The following EIF2A variants were observed in gnomAD, a reference collection of about 807,000 sequenced individuals.
EIF2A encodes 65 kDa eukaryotic translation initiation factor 2A.
A neutral mutation model predicts 75.2 loss-of-function variants in EIF2A; 62 were observed. That is an observed-to-expected ratio of 0.82 (90% CI 0.67 to 1.02). The LOEUF (loss-of-function observed/expected upper bound fraction) is 1.02, where lower values mean the gene tolerates loss of function less well. EIF2A is among the 50% of genes least tolerant of loss of function. EIF2A has a pLI of 0.00. For missense variants in EIF2A, 611 were observed against 677.7 expected (o/e 0.90, Z 1.09); for synonymous variants, 207 against 239.0 (o/e 0.87, Z 1.23).
rs578158428 is a variant in EIF2A at position 150,554,559 on chromosome 3, T to TCATTAGATCAGCGGTAGGGCC, written c.98+2137_98+2157dup. 9.1e-4 allele frequency among the ~76,000 whole-genome samples: 139 copies of TCATTAGATCAGCGGTAGGGCC among 152,334 alleles called. 1 individual carries two copies. The South Asian group carries it at 0.028, about 31-fold the overall frequency. ...CAGCTCTCTTTCCAAATGTTCGGAT[T>TCATTAGATCAGCGGTAGGGCC]CATTAGATCAGCGGTAGGGCCCAAT... On this transcript the variant is annotated intron_variant, in intron 2 of 13. Transcript: ENST00000460851.
intron 6 of EIF2A, chr3:150,566,376 C>T (rs1172887862): frequency 6.6e-6 from 1 of 151,964 alleles, no homozygotes; most frequent in Non-Finnish European, 1.5e-5. Flanking sequence ...AAAGTATTAG[C>T]TCTTGATCTC....
intron 1 of EIF2A, among the ~76,000 whole-genome samples, chr3:150,550,077 A>T (rs1723241223): frequency 6.6e-6 from 1 of 152,174 alleles, no homozygotes; most frequent in Admixed American, 6.5e-5. Context: ...CTTGGAAAAG[A>T]TTATGTAGAT....
At chr3:150,571,804 CT>C (rs1455042429) in intron 9 of EIF2A, among the ~76,000 whole-genome samples, 153 bp from the exon 10 acceptor site, 12 of 151,960 alleles carry the variant, frequency 7.9e-5, no homozygotes, top group African/African-American at 1.2e-4. Context: ...ATTAATCCCC[CT>C]AGTATATAAT....
At chr3:150,576,161 A>G (rs1559885018) in intron 11 of EIF2A, among the ~76,000 whole-genome samples, 1 of 151,888 alleles carries the variant, frequency 6.6e-6, no homozygotes, top group African/African-American at 2.4e-5. Flanking sequence ...CTTGACTGTG[A>G]CCAGGTGTGG....
intron 2 of EIF2A, 51 bp from the exon 3 acceptor site, chr3:150,558,337 G>T (rs1445433646): frequency 2.9e-6 from 4 of 1,397,138 alleles, no homozygotes; most frequent in South Asian, 1.5e-5. Context: ...AGATTTTTTT[G>T]AAAAGTATTA....
Position 150,572,057 on chromosome 3 carries a change from T to A in EIF2A, c.911T>A (p.Leu304Ter), listed in dbSNP as rs186828790. ...FMPAKATIFN[L>*]KCDPVFDFGT... is the part of the protein sequence containing the mutation. ...CCTGCCAAAGCGACAATTTTCAACT[T>A]GAAATGTGATCCTGTATTTGACTTT... The change falls in exon 10 of 14, where the codon TTG becomes TAG. Residue 304 changes from leucine (L) to a stop codon, truncating the protein, a stop_gained. Transcript: ENST00000460851. LOFTEE classifies it high-confidence loss of function. The A allele has an allele frequency of 1.9e-6, 3 of 1,613,882 alleles. No individual in the cohort carries two copies. Among genetic ancestry groups the A allele is most frequent in the Non-Finnish European group, 2.5e-6 (3 of 1,179,902 alleles).
intron 5 of EIF2A, 114 bp from the exon 6 acceptor site, chr3:150,564,185 A>G (rs1415579243): frequency 4.0e-6 from 3 of 743,504 alleles, no homozygotes; most frequent in African/African-American, 1.8e-5. Context: ...ATAAGTGTTT[A>G]TAAGTGTTTT....
At chr3:150,558,183 G>C (rs1322840845) in intron 2 of EIF2A, among the ~76,000 whole-genome samples, 1 of 152,118 alleles carries the variant, frequency 6.6e-6, no homozygotes, top group Non-Finnish European at 1.5e-5. Flanking sequence ...CCATCTGTTA[G>C]TATGAAATCA....
chr3:150,560,190 A>G (rs1034054519), intron 3 of EIF2A, among the ~76,000 whole-genome samples: 16 of 152,154 alleles, frequency 1.1e-4, no homozygotes, highest in African/African-American at 3.9e-4. Context: ...TCTTTTTAGT[A>G]TGTCCCCATA....
At chr3:150,576,684 C>T (rs116820583) in intron 11 of EIF2A, among the ~76,000 whole-genome samples, 7,693 of 152,152 alleles carry the variant, frequency 0.051, 255 homozygotes, top group Non-Finnish European at 0.069. Flanking sequence ...GTTTGCTTTC[C>T]TTGAAGCATG....
rs181704320 is a variant in EIF2A, at chr3:150,575,369, G to C, written c.1384-280G>C. ...TATCTAGTTTTCATAAGAATCATGT[G>C]TCTGTAGTAGTGCTAAGAAAAATTC... On this transcript the variant is annotated intron_variant, in intron 10 of 13. Transcript: ENST00000460851. Among the ~76,000 whole-genome samples the C allele has an allele frequency of 6.6e-5, 10 of 152,294 alleles. No homozygotes were observed. In the East Asian group the frequency reaches 1.7e-3, roughly 26 times the overall value.
chr3:150,584,046 T>C lies in EIF2A; in HGVS notation c.*135T>C. ...AATTTTAACCATTTATCCAAGATTC[T>C]ACTAAGTGTAAAATTATTTAATAAT... On this transcript the variant is annotated 3_prime_UTR_variant, in exon 14 of 14. Transcript: ENST00000460851. 1.3e-6 allele frequency: 1 copy of C among 752,898 alleles called. No homozygotes were observed. Among genetic ancestry groups the C allele is most frequent in the East Asian group, 2.9e-5 (1 of 34,812 alleles). 46.6% of individuals were successfully genotyped at this position (752,898 alleles called of 1,614,324 possible).
intron 9 of EIF2A, among the ~76,000 whole-genome samples, chr3:150,568,800 C>T (rs1220541495): frequency 3.3e-5 from 5 of 152,076 alleles, no homozygotes; most frequent in African/African-American, 9.7e-5. Flanking sequence ...GCCTGTAGTC[C>T]CAGCTCCTCA....
chr3:150,552,296 T>C (rs2107902526), intron 1 of EIF2A, 60 bp from the exon 2 acceptor site: 1 of 1,402,166 alleles, frequency 7.1e-7, no homozygotes, highest in African/African-American at 1.4e-5. Context: ...AAAACACATT[T>C]GTGTTAACTG....
At chr3:150,580,431 A>G (rs972252404) in intron 11 of EIF2A, among the ~76,000 whole-genome samples, 3 of 152,204 alleles carry the variant, frequency 2.0e-5, no homozygotes, top group Non-Finnish European at 4.4e-5. Flanking sequence ...TGGTCTCTCA[A>G]AATATCTAAT....
intron 11 of EIF2A, among the ~76,000 whole-genome samples, 155 bp from the exon 12 acceptor site, chr3:150,581,463 C>T (rs1021133353): frequency 6.6e-6 from 1 of 152,168 alleles, no homozygotes; most frequent in Non-Finnish European, 1.5e-5. Context: ...GAGTATGTAG[C>T]ATACTTCATG....
chr3:150,577,411 C>G (rs1161078439), intron 11 of EIF2A, among the ~76,000 whole-genome samples: 2 of 152,058 alleles, frequency 1.3e-5, no homozygotes, highest in East Asian at 3.9e-4. Flanking sequence ...GAGGCATGAT[C>G]ACGGCTCACT....
At chr3:150,576,650 G>A (rs774226205) in intron 11 of EIF2A, among the ~76,000 whole-genome samples, 18 of 152,150 alleles carry the variant, frequency 1.2e-4, no homozygotes, top group Non-Finnish European at 2.2e-4. Flanking sequence ...GACCCTTTTG[G>A]TGGCACTTGT....
chr3:150,549,141 G>A (rs867015869), intron 1 of EIF2A, among the ~76,000 whole-genome samples: 2 of 151,370 alleles, frequency 1.3e-5, no homozygotes, highest in African/African-American at 2.4e-5. Flanking sequence ...TTTTAAACTC[G>A]TATAACCTAA....
Sources: gnomAD v4.1 joint callset for allele counts (sites outside exome capture counted in the v4.1 genomes callset) on GRCh38, gnomAD v4.1.1 for gene constraint, MANE v1.5 for transcripts, NCBI Gene and HGNC (gene_info 2026-07-23, HGNC 2026-07-21) for gene names.